Variants in PLEKHA2 observed in about 807,000 individuals in gnomAD.
PLEKHA2 encodes pleckstrin homology domain containing A2, also known as pleckstrin homology domain-containing family A member 2.
A neutral mutation model predicts 53.2 loss-of-function variants in PLEKHA2; 28 were observed. The ratio of observed to expected loss-of-function variants is 0.53; its 90% CI spans 0.39 to 0.72. PLEKHA2 has a LOEUF of 0.72. Ranked by LOEUF, PLEKHA2 falls within the 30% of genes least tolerant of loss-of-function variation. The probability of loss-of-function intolerance (pLI) is 0.00; values close to 1 mark genes in which losing one functional copy is unlikely to be tolerated. For synonymous variants in PLEKHA2, 193 were observed against 196.4 expected, an observed-to-expected ratio of 0.98 and a Z score of 0.14; for missense variants, 426 against 537.9, an observed-to-expected ratio of 0.79 and a Z score of 2.06.
chr8:38,920,189 T>C lies in PLEKHA2; in HGVS notation c.141+2119T>C, dbSNP rs137950805. Among the ~76,000 whole-genome samples the C allele has an allele frequency of 4.5e-4, 68 of 151,820 alleles. 1 individual carries two copies. In the East Asian group the frequency reaches 8.7e-3, roughly 19 times the overall value. On this transcript the variant is annotated intron_variant, in intron 2 of 11. Coordinates refer to ENST00000617275, the MANE Select transcript of PLEKHA2 (RefSeq NM_021623.2). ...GTTTTGAGACGGGGTCTCTCTCTGT[T>C]GCCCAGGCTAGAGTGCAGTGGCGCG...
chr8:38,966,938 C>T (rs1835148430), intron 10 of PLEKHA2, among the ~76,000 whole-genome samples: 1 of 151,880 alleles, frequency 6.6e-6, no homozygotes, highest in African/African-American at 2.4e-5. Flanking sequence ...CATCCCTCAC[C>T]CGCCTCCCAC....
chr8:38,908,077 G>A (rs1429797622), intron 1 of PLEKHA2, among the ~76,000 whole-genome samples: 1 of 152,116 alleles, frequency 6.6e-6, no homozygotes, highest in African/African-American at 2.4e-5. Context: ...ACTCCACTGG[G>A]CGTTCCTGTC....
chr8:38,957,200 G>C (rs1024202345), intron 9 of PLEKHA2, 123 bp from the exon 10 acceptor site: 1 of 672,262 alleles, frequency 1.5e-6, no homozygotes, highest in Admixed American at 2.8e-5. Flanking sequence ...AGGAAGAATG[G>C]CTTGGAACCA....
chr8:38,952,096 G>A (rs1834854156), intron 6 of PLEKHA2, 70 bp from the exon 7 acceptor site: 2 of 1,537,686 alleles, frequency 1.3e-6, no homozygotes, highest in Admixed American at 3.8e-5. Context: ...GATTCAGGCA[G>A]AGGGAGGTAG....
rs1835267817 is a variant in PLEKHA2 at position 38,972,418 on chromosome 8, C to G, written c.*2635C>G. 6.6e-6 allele frequency: 1 copy of G among 152,128 alleles called. No homozygotes were observed. The highest frequency in any genetic ancestry group is 2.4e-5 in the African/African-American group (1 of 41,392). The allele number at this position is 152,128 out of a possible 1,614,324, so 9.4% of individuals were successfully genotyped here. On this transcript the variant is annotated 3_prime_UTR_variant, in exon 12 of 12. Coordinates refer to ENST00000617275, the MANE Select transcript of PLEKHA2 (RefSeq NM_021623.2). ...CCCAGGCTCTCTCAAACTCCTGGCC[C>G]AAGTGATCCTCCTGCCTTGGCCTCC...
intron 1 of PLEKHA2, among the ~76,000 whole-genome samples, chr8:38,913,042 G>C (rs1196452902): frequency 6.6e-6 from 1 of 152,176 alleles, no homozygotes; most frequent in Non-Finnish European, 1.5e-5. Flanking sequence ...TGTAGAAAGA[G>C]TGCCTTCTTT....
chr8:38,952,144 TACTG>T lies in PLEKHA2; in HGVS notation c.487-19_487-16del. The T allele has an allele frequency of 6.2e-7, 1 of 1,608,162 alleles. No homozygotes were observed. Among genetic ancestry groups the T allele is most frequent in the South Asian group, 1.1e-5 (1 of 89,962 alleles). On this transcript the variant is annotated intron_variant, in intron 6 of 11. Coordinates refer to ENST00000617275, the MANE Select transcript of PLEKHA2 (RefSeq NM_021623.2). Reference sequence around the variant, plus strand: ...CTGCATAGAGGGAGGGAGGCGCTGATACTGACACTGTTTCCTTGCAGAACGGTGG... The same window carrying T: ...CTGCATAGAGGGAGGGAGGCGCTGATACACTGTTTCCTTGCAGAACGGTGG...
chr8:38,945,983 A>T, intron 4 of PLEKHA2, 141 bp from the exon 5 acceptor site: 1 of 651,850 alleles, frequency 1.5e-6, no homozygotes, highest in Non-Finnish European at 2.7e-6. Flanking sequence ...CAAATGACTT[A>T]GCATCATGGG....
chr8:38,905,758 C>T (rs866676208), intron 1 of PLEKHA2, among the ~76,000 whole-genome samples: 3 of 148,102 alleles, frequency 2.0e-5, no homozygotes, highest in Middle Eastern at 3.6e-3. Flanking sequence ...TATCTCGGCT[C>T]ACTGCAACCT....
chr8:38,943,647 C>A, intron 3 of PLEKHA2, 142 bp from the exon 4 acceptor site: 1 of 638,622 alleles, frequency 1.6e-6, no homozygotes, highest in Non-Finnish European at 2.5e-6. Flanking sequence ...ATGATGAGTA[C>A]AGGGTTTTCA....
At chr8:38,967,460 A>G (rs930301561) in intron 10 of PLEKHA2, among the ~76,000 whole-genome samples, 1 of 152,124 alleles carries the variant, frequency 6.6e-6, no homozygotes, top group Non-Finnish European at 1.5e-5. Flanking sequence ...ACTAATTTAC[A>G]TGCCTTTCAG....
intron 2 of PLEKHA2, among the ~76,000 whole-genome samples, chr8:38,932,552 G>A (rs1043344758): frequency 6.6e-6 from 1 of 152,160 alleles, no homozygotes; most frequent in Non-Finnish European, 1.5e-5. Flanking sequence ...CTGTTTCTTG[G>A]CCTTCCTGCC....
intron 1 of PLEKHA2, among the ~76,000 whole-genome samples, chr8:38,915,899 C>T (rs180992133): frequency 7.9e-5 from 12 of 152,262 alleles, no homozygotes; most frequent in Non-Finnish European, 1.3e-4. Flanking sequence ...GCTTGCAGCA[C>T]GTAACAGTCA....
At chr8:38,928,304 A>T (rs1237090458) in intron 2 of PLEKHA2, among the ~76,000 whole-genome samples, 1 of 138,150 alleles carries the variant, frequency 7.2e-6, no homozygotes, top group African/African-American at 2.7e-5. Context: ...GCTGGAGTGC[A>T]GTGGTGTGAT....
chr8:38,963,362 C>A (rs1835073967), intron 10 of PLEKHA2, among the ~76,000 whole-genome samples: 1 of 152,152 alleles, frequency 6.6e-6, no homozygotes, highest in Non-Finnish European at 1.5e-5. Flanking sequence ...TTTTTAGTCT[C>A]ATGGTAATTC....
intron 3 of PLEKHA2, among the ~76,000 whole-genome samples, chr8:38,937,345 C>A (rs926355371): frequency 1.3e-5 from 2 of 152,178 alleles, no homozygotes; most frequent in Admixed American, 1.3e-4. Flanking sequence ...CAGGCCTGCC[C>A]GCCCTCCCTG....
In PLEKHA2 at chr8:38,971,454, T is replaced by C. The variant is rs1452913568; in HGVS notation, c.*1671T>C. 6.6e-6 allele frequency: 1 copy of C among 152,368 alleles called. No homozygotes were observed. Among genetic ancestry groups the C allele is most frequent in the Non-Finnish European group, 1.5e-5 (1 of 68,068 alleles). 9.4% of individuals were successfully genotyped at this position (152,368 alleles called of 1,614,324 possible). A position where few individuals can be genotyped will look rare whatever the true frequency, so the allele number is the denominator to read the frequency against. On this transcript the variant is annotated 3_prime_UTR_variant, in exon 12 of 12. Transcript: ENST00000617275. ...GCCATTCCAAATTCTTATAGCTCCT[T>C]AGCTCTGGTTTTACTCTCGTATTTT...
intron 2 of PLEKHA2, among the ~76,000 whole-genome samples, 183 bp from the exon 3 acceptor site, chr8:38,935,811 C>T (rs538961043): frequency 6.6e-6 from 1 of 152,270 alleles, no homozygotes; most frequent in South Asian, 2.1e-4. Flanking sequence ...TATCAGGAAT[C>T]CTGAATCATT....
intron 2 of PLEKHA2, among the ~76,000 whole-genome samples, chr8:38,918,668 T>C (rs1416285305): frequency 1.4e-4 from 16 of 117,478 alleles, no homozygotes; most frequent in Admixed American, 8.4e-5. Flanking sequence ...CACACCCCCA[T>C]ACACACACAC....
Sources: gnomAD v4.1 joint callset for allele counts (sites outside exome capture counted in the v4.1 genomes callset) on GRCh38, gnomAD v4.1.1 for gene constraint, MANE v1.5 for transcripts, NCBI Gene and HGNC (gene_info 2026-07-23, HGNC 2026-07-21) for gene names.